The following MDM2 variants were observed in gnomAD, a reference collection of about 807,000 sequenced individuals.
MDM2 encodes MDM2 proto-oncogene, also known as E3 ubiquitin-protein ligase Mdm2.
A neutral mutation model predicts 64.3 loss-of-function variants in MDM2; 11 were observed. That is an observed-to-expected ratio of 0.17 (90% CI 0.11 to 0.28). The LOEUF (loss-of-function observed/expected upper bound fraction) is 0.28, where lower values mean the gene tolerates loss of function less well. Among genes scored for constraint, MDM2 ranks in the 10% least tolerant of loss-of-function variants. MDM2 has a pLI of 1.00. For missense variants in MDM2, 388 were observed against 577.1 expected, an observed-to-expected ratio of 0.67 and a Z score of 3.36; for synonymous variants, 194 against 192.9, an observed-to-expected ratio of 1.01 and a Z score of -0.05.
intron 7 of MDM2, among the ~76,000 whole-genome samples, chr12:68,826,122 T>C (rs1158064759): frequency 6.6e-6 from 1 of 152,126 alleles, no homozygotes; most frequent in Non-Finnish European, 1.5e-5. Context: ...TTTCTCACAG[T>C]AAATACGAAT....
In MDM2 at chr12:68,824,614, A is replaced by G; in HGVS notation, c.486A>G (p.Pro162=). 1 of 1,612,762 alleles carries G rather than the reference A, an allele frequency of 6.2e-7. No individual in the cohort carries two copies. The highest frequency in any genetic ancestry group is 8.5e-7 in the Non-Finnish European group (1 of 1,179,422). Residue 162 remains proline (P), a synonymous_variant, in exon 7 of 11, where the codon CCA becomes CCG. Transcript: ENST00000258149. ...KPSSSHLVSR[P]STSSRRRAIS... ...CATCTTCACATTTGGTTTCTAGACCATCTACCTCATCTAGAAGGAGAGCAA... is the reference window on the plus strand; with the variant it reads ...CATCTTCACATTTGGTTTCTAGACCGTCTACCTCATCTAGAAGGAGAGCAA...
chr12:68,830,883 T>C (rs1203970606), intron 8 of MDM2, among the ~76,000 whole-genome samples: 1 of 152,112 alleles, frequency 6.6e-6, no homozygotes, highest in Admixed American at 6.5e-5. Flanking sequence ...GTATTTTTAG[T>C]AGAGATGGGG....
rs1269905611 is a variant in MDM2, at chr12:68,844,928, C to T, written c.*5079C>T. The stretch of plus-strand genomic sequence containing the variant: ...GGTTAGAGCACCCTGTCACCACGCC[C>T]CGCTAATTTTTGTATTTCTAGCAGA... On this transcript the variant is annotated 3_prime_UTR_variant, in exon 11 of 11. Coordinates refer to ENST00000258149, the MANE Select transcript of MDM2 (RefSeq NM_002392.6). The T allele has an allele frequency of 5.1e-6, 1 of 197,866 alleles. No individual in the cohort carries two copies. Among genetic ancestry groups the T allele is most frequent in the Non-Finnish European group, 1.0e-5 (1 of 95,642 alleles). 12.3% of individuals were successfully genotyped at this position (197,866 alleles called of 1,614,324 possible).
intron 7 of MDM2, among the ~76,000 whole-genome samples, chr12:68,825,138 G>C (rs1273749596): frequency 4.6e-5 from 7 of 152,200 alleles, no homozygotes; most frequent in Non-Finnish European, 8.8e-5. Flanking sequence ...CAACCCGGGA[G>C]GTAGAAGTTA....
intron 3 of MDM2, among the ~76,000 whole-genome samples, chr12:68,814,382 A>G (rs1312240915): frequency 1.3e-5 from 2 of 152,240 alleles, no homozygotes; most frequent in Non-Finnish European, 2.9e-5. Context: ...ATAGTGAGGA[A>G]TATAAGTCAT....
chr12:68,831,222 GAGAAGGC>G (rs1219538341), intron 8 of MDM2, among the ~76,000 whole-genome samples: 3 of 152,170 alleles, frequency 2.0e-5, no homozygotes, highest in Admixed American at 6.5e-5. Flanking sequence ...GGCAAGAAGG[GAGAAGGC>G]AGAAGGAAGA....
chr12:68,816,648 C>T lies in MDM2; in HGVS notation c.175-164C>T, dbSNP rs370419077. ...CTGGGATTACAGGTGTGAGCCACTG[C>T]GCCCAGCCAAAAGTAGCTTCTAAGT... On this transcript the variant is annotated intron_variant, in intron 3 of 10. Coordinates refer to ENST00000258149, the MANE Select transcript of MDM2 (RefSeq NM_002392.6). 1.5e-4 allele frequency among the ~76,000 whole-genome samples: 23 copies of T among 152,222 alleles called. No homozygotes were observed. In the East Asian group the frequency reaches 3.5e-3, roughly 23 times the overall value.
intron 4 of MDM2, 61 bp from the exon 5 acceptor site, chr12:68,820,264 A>T (rs878861364): frequency 7.8e-7 from 1 of 1,278,352 alleles, no homozygotes; most frequent in Non-Finnish European, 1.1e-6. Context: ...GATCCAGCTT[A>T]ATACAAATTT....
intron 4 of MDM2, among the ~76,000 whole-genome samples, chr12:68,818,796 G>A (rs1881609780): frequency 6.7e-6 from 1 of 149,554 alleles, no homozygotes; most frequent in South Asian, 2.1e-4. Flanking sequence ...GTCTTGCTCT[G>A]TTGCCCAGGC....
chr12:68,833,334 A>ATATAAAT (rs1565744217), intron 8 of MDM2, among the ~76,000 whole-genome samples: 1 of 54,654 alleles, frequency 1.8e-5, no homozygotes, highest in African/African-American at 6.9e-5. Flanking sequence ...TAAATATAAA[A>ATATAAAT]ATATATATTT....
rs1555184997 is a variant in MDM2, at chr12:68,808,432, CTG to C, written c.-45_-44del. 1.2e-6 allele frequency: 2 copies of C among 1,613,652 alleles called. No individual in the cohort carries two copies. The highest frequency in any genetic ancestry group is 1.7e-6 in the Non-Finnish European group (2 of 1,179,822). On this transcript the variant is annotated 5_prime_UTR_variant, in exon 1 of 11. Coordinates refer to ENST00000258149, the MANE Select transcript of MDM2 (RefSeq NM_002392.6). ...GCTTCCGCGCGCCCCGTGAAGGAAA[CTG>C]GGGAGTCTTGAGGGACCCCCGACTC...
At chr12:68,833,657 A>G (rs193078673) in intron 8 of MDM2, among the ~76,000 whole-genome samples, 84 of 151,992 alleles carry the variant, frequency 5.5e-4, no homozygotes, top group Middle Eastern at 3.4e-3. Context: ...TGTCACAGCT[A>G]CTCAGCCCCG....
chr12:68,846,195 C>A (rs145027756), downstream of MDM2: 1 of 151,986 alleles, frequency 6.6e-6, no homozygotes, highest in African/African-American at 2.4e-5. Flanking sequence ...CCTCATGATC[C>A]GCCCACCTCG....
At position 68,845,054 on chromosome 12, in the gene MDM2, C is replaced by A. The variant is rs753442532; in HGVS notation, c.*5205C>A. Reference sequence around the variant, plus strand: ...AAGTGCTGTGATTACAGGCGTGAGCCGCCACGCCCAGCCTAATAAGGGTTT... The same window carrying A: ...AAGTGCTGTGATTACAGGCGTGAGCAGCCACGCCCAGCCTAATAAGGGTTT... On this transcript the variant is annotated 3_prime_UTR_variant, in exon 11 of 11. Coordinates refer to ENST00000258149, the MANE Select transcript of MDM2 (RefSeq NM_002392.6). The A allele has an allele frequency of 4.8e-6, 1 of 209,692 alleles. No homozygotes were observed. 13.0% of individuals were successfully genotyped at this position (209,692 alleles called of 1,614,324 possible).
intron 8 of MDM2, among the ~76,000 whole-genome samples, chr12:68,831,385 G>T (rs1882784223): frequency 6.6e-6 from 1 of 152,174 alleles, no homozygotes; most frequent in Non-Finnish European, 1.5e-5. Flanking sequence ...GTTTGACCAG[G>T]CATGTCATTT....
Position 68,845,250 on chromosome 12 carries a change from T to C in MDM2, c.*5401T>C. The C allele has an allele frequency of 4.6e-6, 1 of 215,654 alleles. No individual in the cohort carries two copies. The highest frequency in any genetic ancestry group is 9.3e-6 in the Non-Finnish European group (1 of 107,126). 13.4% of individuals were successfully genotyped at this position (215,654 alleles called of 1,614,324 possible). Reference sequence around the variant, plus strand: ...TCAGCTTAAAAAATTGTTTAAAAGTTTGTGATCATATTGTCTACCATGTAG... The same window carrying C: ...TCAGCTTAAAAAATTGTTTAAAAGTCTGTGATCATATTGTCTACCATGTAG... On this transcript the variant is annotated 3_prime_UTR_variant, in exon 11 of 11. Coordinates refer to ENST00000258149, the MANE Select transcript of MDM2 (RefSeq NM_002392.6).
chr12:68,810,790 A>T (rs1179102995), intron 2 of MDM2, among the ~76,000 whole-genome samples: 1 of 150,282 alleles, frequency 6.7e-6, no homozygotes, highest in African/African-American at 2.4e-5. Flanking sequence ...TTTTTTTGAT[A>T]AAAGGTACTG....
intron 7 of MDM2, 64 bp from the exon 8 acceptor site, chr12:68,828,707 C>G: frequency 6.8e-7 from 1 of 1,478,752 alleles, no homozygotes. Context: ...CAAATAGGTA[C>G]TCAAAACAGC....
intron 8 of MDM2, among the ~76,000 whole-genome samples, chr12:68,830,668 A>G (rs922290637): frequency 6.6e-6 from 1 of 152,178 alleles, no homozygotes; most frequent in East Asian, 1.9e-4. Context: ...TGAGTATCCA[A>G]CCTACAAGTT....
Sources: allele counts gnomAD v4.1 joint callset (sites outside exome capture counted in the v4.1 genomes callset), GRCh38; gene constraint gnomAD v4.1.1; transcripts MANE v1.5; gene names NCBI Gene and HGNC (gene_info 2026-07-23, HGNC 2026-07-21).